Variants in GXYLT1 observed in about 807,000 individuals in gnomAD.
GXYLT1 encodes glucoside xylosyltransferase 1.
In GXYLT1, 29 loss-of-function variants were observed where a neutral mutation model predicts 54.0. The observed-to-expected ratio is 0.54, with a 90% CI of 0.40 to 0.73. The LOEUF is 0.73. Ranked by LOEUF, GXYLT1 falls within the 30% of genes least tolerant of loss-of-function variation. The pLI is 0.00. For missense variants in GXYLT1, 490 were observed against 553.4 expected (o/e 0.89, Z 1.15); for synonymous variants, 176 against 204.1 (o/e 0.86, Z 1.17).
intron 5 of GXYLT1, among the ~76,000 whole-genome samples, chr12:42,100,639 A>G (rs2065384524): frequency 6.6e-6 from 1 of 152,060 alleles, no homozygotes; most frequent in Admixed American, 6.5e-5. Context: ...CACAGTAAAT[A>G]GTAATTATAA....
In GXYLT1 at chr12:42,112,513, A is replaced by G. The variant is rs143629564; in HGVS notation, c.487-2822T>C. 2.8e-3 allele frequency among the ~76,000 whole-genome samples: 431 copies of G among 152,336 alleles called. 1 individual carries two copies. The highest frequency in any genetic ancestry group is 9.3e-3 in the African/African-American group (385 of 41,574). ...GACAAATGCAGAAGCCTCAGTAGCC[A>G]ATGCGACCAACTGGAAGAAAGGGTA... On this transcript the variant is annotated intron_variant, in intron 3 of 7. Transcript: ENST00000398675.
chr12:42,114,636 C>T (rs933094845), intron 3 of GXYLT1, among the ~76,000 whole-genome samples: 9 of 151,998 alleles, frequency 5.9e-5, no homozygotes, highest in East Asian at 1.9e-4. Context: ...AGGCAATAAT[C>T]AATAGCTTAC....
intron 5 of GXYLT1, among the ~76,000 whole-genome samples, chr12:42,105,034 G>C (rs1021417685): frequency 2.6e-5 from 4 of 152,174 alleles, no homozygotes; most frequent in Non-Finnish European, 4.4e-5. Flanking sequence ...ATTCAGCTGA[G>C]AGAATTCATA....
chr12:42,098,089 T>C, intron 5 of GXYLT1, 56 bp from the exon 6 acceptor site: 5 of 1,539,552 alleles, frequency 3.2e-6, no homozygotes, highest in South Asian at 2.3e-5. Context: ...AATGGCAGCA[T>C]GATGACAGTT....
At position 42,109,708 on chromosome 12, in the gene GXYLT1, A is replaced by C; in HGVS notation, c.487-17T>G. On this transcript the variant is annotated splice_polypyrimidine_tract_variant and intron_variant, in intron 3 of 7. Transcript: ENST00000398675. ...GTTGTCAAGCTAAAACAATTTAAAAAAAAACTGTTTAGTTTCACTCTGAAT... is the reference window on the plus strand; with the variant it reads ...GTTGTCAAGCTAAAACAATTTAAAACAAAACTGTTTAGTTTCACTCTGAAT... 2.1e-6 allele frequency: 3 copies of C among 1,440,648 alleles called. No homozygotes were observed. Among genetic ancestry groups the C allele is most frequent in the Non-Finnish European group, 2.9e-6 (3 of 1,050,154 alleles). 89.2% of individuals were successfully genotyped at this position (1,440,648 alleles called of 1,614,324 possible).
chr12:42,126,174 A>G (rs942417819), intron 2 of GXYLT1, among the ~76,000 whole-genome samples: 1 of 151,758 alleles, frequency 6.6e-6, no homozygotes, highest in African/African-American at 2.4e-5. Flanking sequence ...CCCGGGTTCA[A>G]GCGATTCTCG....
At chr12:42,121,968 T>C (rs1431961013) in intron 2 of GXYLT1, among the ~76,000 whole-genome samples, 2 of 152,106 alleles carry the variant, frequency 1.3e-5, no homozygotes, top group African/African-American at 4.8e-5. Context: ...TTCTATATGA[T>C]AGGAAGTGAT....
intron 3 of GXYLT1, among the ~76,000 whole-genome samples, chr12:42,117,345 C>G (rs1258090280): frequency 6.6e-6 from 1 of 151,730 alleles, no homozygotes; most frequent in African/African-American, 2.4e-5. Flanking sequence ...AACAAAAATA[C>G]AGATACTAAA....
chr12:42,091,968 AGTTGTCAGCCCAGACTGCCTC>A (rs2136873765), intron 7 of GXYLT1, among the ~76,000 whole-genome samples: 1 of 152,272 alleles, frequency 6.6e-6, no homozygotes, highest in African/African-American at 2.4e-5. Context: ...TTTCTCAGGC[AGTTGTCAGCCCAGACTGCCTC>A]CACCCACCTG....
intron 4 of GXYLT1, among the ~76,000 whole-genome samples, chr12:42,107,359 G>A (rs1290217478): frequency 1.3e-5 from 2 of 152,136 alleles, no homozygotes; most frequent in Non-Finnish European, 2.9e-5. Context: ...TGCAGGGCCT[G>A]AGTAGGGAAG....
At chr12:42,110,062 C>A (rs1182954540) in intron 3 of GXYLT1, among the ~76,000 whole-genome samples, 1 of 152,134 alleles carries the variant, frequency 6.6e-6, no homozygotes, top group Admixed American at 6.5e-5. Flanking sequence ...ATTATTACCA[C>A]CATATATACG....
At chr12:42,142,874 T>C (rs999802072) in intron 1 of GXYLT1, among the ~76,000 whole-genome samples, 5 of 152,184 alleles carry the variant, frequency 3.3e-5, no homozygotes, top group Non-Finnish European at 7.3e-5. Context: ...AATACACCTA[T>C]AGTTCTAACT....
Position 42,135,684 on chromosome 12 carries a change from C to G in GXYLT1, c.222-5833G>C, listed in dbSNP as rs1009421590. ...AGTGGATAAACCTTGAAATATTATG[C>G]CAAAAAGAAAGCCAGATTCAAAAGG... On this transcript the variant is annotated intron_variant, in intron 1 of 7. Transcript: ENST00000398675. Among the ~76,000 whole-genome samples, 5 of 152,164 alleles carry G rather than the reference C, an allele frequency of 3.3e-5. 1 individual carries two copies. The South Asian group carries it at 1.0e-3, about 32-fold the overall frequency.
rs2065262860 is a variant in GXYLT1, at chr12:42,083,098, C to T, written c.*4688G>A. The T allele has an allele frequency of 6.6e-6, 1 of 152,046 alleles. No homozygotes were observed. The highest frequency in any genetic ancestry group is 1.5e-5 in the Non-Finnish European group (1 of 68,018). The allele number at this position is 152,046 out of a possible 1,614,324, so 9.4% of individuals were successfully genotyped here. A position where few individuals can be genotyped will look rare whatever the true frequency, so the allele number is the denominator to read the frequency against. On this transcript the variant is annotated 3_prime_UTR_variant, in exon 8 of 8. Coordinates refer to ENST00000398675, the MANE Select transcript of GXYLT1 (RefSeq NM_173601.2). Reference sequence around the variant, plus strand: ...TTTAAGTCTGACATTGATTTGCAATCCATTTTAAACTGTTACATCTAATAT... The same window carrying T: ...TTTAAGTCTGACATTGATTTGCAATTCATTTTAAACTGTTACATCTAATAT...
At chr12:42,092,431 T>C (rs2065334112) in intron 7 of GXYLT1, among the ~76,000 whole-genome samples, 2 of 152,162 alleles carry the variant, frequency 1.3e-5, no homozygotes, top group African/African-American at 2.4e-5. Context: ...AGTAACAGCA[T>C]AAATCCAAAC....
chr12:42,111,679 T>C (rs1348795011), intron 3 of GXYLT1, among the ~76,000 whole-genome samples: 2 of 152,244 alleles, frequency 1.3e-5, no homozygotes, highest in African/African-American at 2.4e-5. Flanking sequence ...CAAGGAGGCC[T>C]GCCTGCCTCT....
At chr12:42,140,197 A>AAAAAG (rs2065643747) in intron 1 of GXYLT1, among the ~76,000 whole-genome samples, 1 of 31,300 alleles carries the variant, frequency 3.2e-5, no homozygotes, top group Admixed American at 4.6e-4. Flanking sequence ...AAAAAAAAAA[A>AAAAAG]GGCGGGGGGG....
intron 3 of GXYLT1, among the ~76,000 whole-genome samples, chr12:42,114,082 C>G (rs1006195750): frequency 3.3e-5 from 5 of 152,086 alleles, no homozygotes; most frequent in South Asian, 2.1e-4. Context: ...TGAAACCAAC[C>G]AGAACAAAGA....
In GXYLT1 at chr12:42,098,037, T is replaced by A. The variant is rs984990615; in HGVS notation, c.865-4A>T. On this transcript the variant is annotated splice_region_variant and splice_polypyrimidine_tract_variant and intron_variant, in intron 5 of 7. Transcript: ENST00000398675. The stretch of plus-strand genomic sequence containing the variant: ...GTCGTACAGTTGTCATATCATTCTG[T>A]TGATAAAAACATTCAAAAGAGCTTC... 1 of 1,605,250 alleles carries A rather than the reference T, an allele frequency of 6.2e-7. No homozygotes were observed. The highest frequency in any genetic ancestry group is 1.3e-5 in the African/African-American group (1 of 74,458).
Sources: gnomAD v4.1 joint callset for allele counts (sites outside exome capture counted in the v4.1 genomes callset) on GRCh38, gnomAD v4.1.1 for gene constraint, MANE v1.5 for transcripts, NCBI Gene and HGNC (gene_info 2026-07-23, HGNC 2026-07-21) for gene names.